The following CACNB4 variants were observed in gnomAD, a reference collection of about 807,000 sequenced individuals.
CACNB4 encodes the protein calcium voltage-gated channel auxiliary subunit beta 4.
A neutral mutation model predicts 71.2 loss-of-function variants in CACNB4; 32 were observed. The observed-to-expected ratio is 0.45, with a 90% CI of 0.34 to 0.60. CACNB4 has a LOEUF of 0.60. CACNB4 is among the 20% of genes least tolerant of loss of function. The pLI, the probability that CACNB4 is intolerant of heterozygous loss-of-function variation, is 0.01. For synonymous variants in CACNB4, 231 were observed against 236.9 expected (o/e 0.97, Z 0.23); for missense variants, 464 against 647.9 (o/e 0.72, Z 3.08).
intron 2 of CACNB4, among the ~76,000 whole-genome samples, chr2:151,992,072 C>T (rs937163017): frequency 2.6e-5 from 4 of 152,166 alleles, no homozygotes. Context: ...AATCCTCGAC[C>T]CCCCTTCACC....
intron 2 of CACNB4, among the ~76,000 whole-genome samples, chr2:152,014,998 G>A (rs913582017): frequency 1.3e-5 from 2 of 152,168 alleles, no homozygotes; most frequent in South Asian, 2.1e-4. Context: ...CAAAGTGCTC[G>A]TTTGTCAAAA....
chr2:151,861,024 T>C, intron 9 of CACNB4: 1 of 538,638 alleles, frequency 1.9e-6, no homozygotes, highest in East Asian at 3.1e-5. Flanking sequence ...TTAAACTGTT[T>C]CACACACAAA....
At chr2:151,983,751 T>C (rs1302566445) in intron 2 of CACNB4, among the ~76,000 whole-genome samples, 2 of 151,574 alleles carry the variant, frequency 1.3e-5, no homozygotes, top group Non-Finnish European at 2.9e-5. Flanking sequence ...TTTTTCTTCA[T>C]AACAGAAAAT....
intron 2 of CACNB4, among the ~76,000 whole-genome samples, chr2:152,032,730 T>G (rs972519477): frequency 4.0e-5 from 6 of 151,876 alleles, no homozygotes; most frequent in African/African-American, 1.5e-4. Context: ...CTTTGGGAGG[T>G]TGAGGCAGGA....
chr2:151,907,915 G>A (rs2099855201), intron 2 of CACNB4, among the ~76,000 whole-genome samples: 1 of 152,200 alleles, frequency 6.6e-6, no homozygotes, highest in African/African-American at 2.4e-5. Flanking sequence ...GTAGAGTAGA[G>A]ATCATTGCAA....
chr2:152,097,428 T>G (rs964166772), intron 2 of CACNB4, among the ~76,000 whole-genome samples: 1 of 152,142 alleles, frequency 6.6e-6, no homozygotes, highest in Non-Finnish European at 1.5e-5. Flanking sequence ...CGATGACCAA[T>G]GTCTTCCTAG....
chr2:151,968,161 T>C (rs906284037), intron 2 of CACNB4: 1 of 152,226 alleles, frequency 6.6e-6, no homozygotes, highest in Non-Finnish European at 1.5e-5. Flanking sequence ...CACACTAAGT[T>C]GTTCTGAGGG....
chr2:151,973,573 T>C, intron 2 of CACNB4: 1 of 1,116,706 alleles, frequency 9.0e-7, no homozygotes, highest in South Asian at 1.3e-5. Flanking sequence ...CCATGTTCCC[T>C]GCGTTGCCTA....
chr2:152,007,633 G>A (rs1346063203), intron 2 of CACNB4, among the ~76,000 whole-genome samples: 3 of 152,158 alleles, frequency 2.0e-5, no homozygotes, highest in African/African-American at 7.2e-5. Context: ...ATGGACACTT[G>A]GGTTACTTCC....
intron 2 of CACNB4, among the ~76,000 whole-genome samples, chr2:151,889,532 T>C (rs1364324851): frequency 6.6e-6 from 1 of 150,886 alleles, no homozygotes; most frequent in Non-Finnish European, 1.5e-5. Flanking sequence ...CAGAGAAATA[T>C]ATCACTCCCA....
chr2:151,981,953 T>A (rs2099874793), intron 2 of CACNB4, among the ~76,000 whole-genome samples: 1 of 152,134 alleles, frequency 6.6e-6, no homozygotes. Flanking sequence ...TGCAAGCAGA[T>A]CTAAAGCTTT....
intron 2 of CACNB4, among the ~76,000 whole-genome samples, chr2:151,886,950 G>C (rs1221040597): frequency 6.6e-6 from 1 of 152,216 alleles, no homozygotes; most frequent in African/African-American, 2.4e-5. Flanking sequence ...AGAGAGGCCA[G>C]AAGGAAACTC....
chr2:151,862,017 T>A (rs2099841868), intron 9 of CACNB4, among the ~76,000 whole-genome samples: 1 of 152,192 alleles, frequency 6.6e-6, no homozygotes, highest in African/African-American at 2.4e-5. Flanking sequence ...AAAGCTTGCC[T>A]CTTTAGGCCA....
chr2:152,092,869 T>C (rs550348053), intron 2 of CACNB4, among the ~76,000 whole-genome samples: 1 of 152,016 alleles, frequency 6.6e-6, no homozygotes, highest in Admixed American at 6.6e-5. Flanking sequence ...TATACATATA[T>C]ACCTAAGATG....
intron 10 of CACNB4, chr2:151,856,686 C>G (rs2099840410): frequency 6.6e-6 from 1 of 152,032 alleles, no homozygotes; most frequent in African/African-American, 2.4e-5. Flanking sequence ...AAAGTACATA[C>G]AGTACACAAA....
intron 9 of CACNB4, among the ~76,000 whole-genome samples, chr2:151,864,279 T>C (rs1234903006): frequency 6.6e-6 from 1 of 152,218 alleles, no homozygotes; most frequent in Non-Finnish European, 1.5e-5. Flanking sequence ...CGAATGTTCC[T>C]GAAAACTAGC....
intron 2 of CACNB4, among the ~76,000 whole-genome samples, chr2:151,957,787 C>T (rs2099868712): frequency 6.6e-6 from 1 of 152,188 alleles, no homozygotes; most frequent in African/African-American, 2.4e-5. Flanking sequence ...CTCTGTCCCA[C>T]AAAATCCTTC....
At chr2:152,010,481 T>C (rs1309162355) in intron 2 of CACNB4, among the ~76,000 whole-genome samples, 3 of 152,140 alleles carry the variant, frequency 2.0e-5, no homozygotes, top group African/African-American at 4.8e-5. Flanking sequence ...AAAAATATAA[T>C]GACTAGGGCA....
intron 2 of CACNB4, among the ~76,000 whole-genome samples, chr2:151,933,555 A>T (rs540007139): frequency 6.6e-6 from 1 of 152,132 alleles, no homozygotes; most frequent in Non-Finnish European, 1.5e-5. Flanking sequence ...TGCATTCAAG[A>T]TCACACAACT....
Sources: allele counts gnomAD v4.1 joint callset (sites outside exome capture counted in the v4.1 genomes callset), GRCh38; gene constraint gnomAD v4.1.1; transcripts MANE v1.5; gene names NCBI Gene and HGNC (gene_info 2026-07-23, HGNC 2026-07-21).